Variants in NFYC observed in about 807,000 individuals in gnomAD.
NFYC encodes nuclear transcription factor Y subunit gamma.
In NFYC, 25 loss-of-function variants were observed where a neutral mutation model predicts 53.1. That is an observed-to-expected ratio of 0.47 (90% CI 0.34 to 0.66). The LOEUF (loss-of-function observed/expected upper bound fraction) is 0.66. Among genes scored for constraint, NFYC ranks in the 30% least tolerant of loss-of-function variants. The pLI, the probability that NFYC is intolerant of heterozygous loss-of-function variation, is 0.01. For synonymous variants in NFYC, 145 were observed against 152.6 expected (o/e 0.95, Z 0.37); for missense variants, 260 against 422.7 (o/e 0.62, Z 3.38).
In NFYC at chr1:40,759,233, T is replaced by TAA. The variant is rs11429236; in HGVS notation, c.561+954_561+955dup. On this transcript the variant is annotated intron_variant, in intron 6 of 9. Transcript: ENST00000447388. Reference sequence around the variant, plus strand: ...AGCACAGCAAGACCTCTTCTTTAATTAAAAAAAAAAAAAAAAGGCAGGGGC... The same window carrying TAA: ...AGCACAGCAAGACCTCTTCTTTAATTAAAAAAAAAAAAAAAAAAGGCAGGGGC... Among the ~76,000 whole-genome samples the TAA allele has an allele frequency of 2.2e-3, 309 of 138,920 alleles. 2 individuals carry two copies. The highest frequency in any genetic ancestry group is 0.022 in the South Asian group (94 of 4,298). The allele number at this position is 138,920 out of a possible 152,430, so 91.1% of individuals were successfully genotyped here.
chr1:40,692,998 G>A (rs185503896), intron 1 of NFYC, among the ~76,000 whole-genome samples: 2 of 152,302 alleles, frequency 1.3e-5, no homozygotes, highest in East Asian at 3.9e-4. Context: ...GCAAATATTA[G>A]GTAGTTGGTA....
intron 1 of NFYC, among the ~76,000 whole-genome samples, chr1:40,711,188 G>A (rs1303592419): frequency 6.6e-6 from 1 of 152,184 alleles, no homozygotes; most frequent in Non-Finnish European, 1.5e-5. Context: ...GGGATAGATA[G>A]TATTTTAGGA....
intron 1 of NFYC, among the ~76,000 whole-genome samples, chr1:40,732,138 A>G (rs899557809): frequency 2.6e-5 from 4 of 152,202 alleles, no homozygotes; most frequent in African/African-American, 9.6e-5. Flanking sequence ...TTTAAGTATT[A>G]TCTCCCAACA....
At chr1:40,715,689 C>G (rs1644109213) in intron 1 of NFYC, among the ~76,000 whole-genome samples, 2 of 147,146 alleles carry the variant, frequency 1.4e-5, no homozygotes, top group Non-Finnish European at 2.9e-5. Context: ...AATAATTGAC[C>G]AAAAGTTTTT....
intron 1 of NFYC, among the ~76,000 whole-genome samples, chr1:40,737,490 G>A (rs1168989766): frequency 4.6e-5 from 7 of 151,672 alleles, no homozygotes; most frequent in African/African-American, 1.2e-4. Flanking sequence ...CGCCACGCCC[G>A]GCTAATTTTT....
At position 40,770,890 on chromosome 1, in the gene NFYC, T is replaced by C. The variant is rs373291155; in HGVS notation, c.*62T>C. On this transcript the variant is annotated 3_prime_UTR_variant, in exon 10 of 10. Transcript: ENST00000447388. The surrounding 1 kb of genome is among the most constrained non-coding windows in gnomAD (Gnocchi z 5.3). ...ATTTTTGCCATACAGCCCCAGGCAA[T>C]GGGCACAGCCTTCCTCCCCAGAGGA... is the stretch of plus-strand genomic sequence containing the variant. The C allele has an allele frequency of 2.6e-5, 40 of 1,567,434 alleles. No individual in the cohort carries two copies. The East Asian group carries it at 6.3e-4, about 25-fold the overall frequency.
At chr1:40,758,012 A>G (rs955649370) in intron 5 of NFYC, 109 bp from the exon 6 acceptor site, 6 of 1,204,838 alleles carry the variant, frequency 5.0e-6, no homozygotes, top group African/African-American at 3.0e-5. Context: ...AGAGCTCAGC[A>G]TTCAGCAGGC....
At chr1:40,697,805 C>T (rs2148407158) in intron 1 of NFYC, among the ~76,000 whole-genome samples, 1 of 152,316 alleles carries the variant, frequency 6.6e-6, no homozygotes, top group South Asian at 2.1e-4. Flanking sequence ...TGCTAGGTTG[C>T]AGGAATTGTT....
chr1:40,734,009 G>A (rs1337103818), intron 1 of NFYC, among the ~76,000 whole-genome samples: 1 of 152,150 alleles, frequency 6.6e-6, no homozygotes, highest in Non-Finnish European at 1.5e-5. Flanking sequence ...GCCTCCCAAA[G>A]TGTTGGGATT....
chr1:40,723,836 G>GT (rs922510932), intron 1 of NFYC: 2 of 151,768 alleles, frequency 1.3e-5, no homozygotes, highest in Non-Finnish European at 2.9e-5. Flanking sequence ...CACCTGGCTA[G>GT]TTTTTTATTT....
chr1:40,716,202 A>G (rs897898286), intron 1 of NFYC, among the ~76,000 whole-genome samples: 2 of 152,208 alleles, frequency 1.3e-5, no homozygotes, highest in African/African-American at 4.8e-5. Flanking sequence ...GAGACTGATG[A>G]TGTTTATCAA....
At chr1:40,692,533 A>G (rs1642884349) in intron 1 of NFYC, among the ~76,000 whole-genome samples, 1 of 152,096 alleles carries the variant, frequency 6.6e-6, no homozygotes, top group South Asian at 2.1e-4. Context: ...AATGTGACCC[A>G]GTTTGGAAGT....
chr1:40,716,816 G>A (rs1351861926), intron 1 of NFYC, among the ~76,000 whole-genome samples: 6 of 152,280 alleles, frequency 3.9e-5, no homozygotes, highest in African/African-American at 1.2e-4. Context: ...AAGGTCAGGA[G>A]ATGGACACTG....
chr1:40,726,195 G>A (rs928502135), intron 1 of NFYC, among the ~76,000 whole-genome samples: 18 of 151,922 alleles, frequency 1.2e-4, no homozygotes, highest in Non-Finnish European at 1.5e-5. Context: ...TCAGCTCACT[G>A]CAACCTCTGC....
intron 1 of NFYC, 60 bp downstream of exon 1, chr1:40,691,927 G>GT: frequency 3.0e-6 from 1 of 337,920 alleles, no homozygotes; most frequent in South Asian, 2.1e-5. Flanking sequence ...GCGGGGGGAG[G>GT]GGCAGCGCTT....
intron 5 of NFYC, among the ~76,000 whole-genome samples, chr1:40,753,864 A>G (rs1040725675): frequency 2.0e-5 from 3 of 152,186 alleles, no homozygotes; most frequent in Non-Finnish European, 4.4e-5. Context: ...CTGTTTTGCA[A>G]GCAATCACAA....
intron 4 of NFYC, among the ~76,000 whole-genome samples, chr1:40,752,621 C>T (rs1372713884): frequency 6.6e-6 from 1 of 151,768 alleles, no homozygotes; most frequent in East Asian, 1.9e-4. Context: ...AATGATAAAC[C>T]CATGGTTTAA....
chr1:40,726,887 A>G lies in NFYC; in HGVS notation c.-8-11949A>G, dbSNP rs1259361009. On this transcript the variant is annotated intron_variant, in intron 1 of 9. Transcript: ENST00000447388. ...AAATCCTGCCACTATTTTATGAACT[A>G]AGTTTATATAATATTCTAATGTTCA... Among the ~76,000 whole-genome samples the G allele has an allele frequency of 2.6e-5, 4 of 152,208 alleles. No homozygotes were observed. The East Asian group carries it at 5.8e-4, about 22-fold the overall frequency.
At chr1:40,710,228 C>A (rs1450087234) in intron 1 of NFYC, among the ~76,000 whole-genome samples, 3 of 152,186 alleles carry the variant, frequency 2.0e-5, no homozygotes, top group African/African-American at 7.2e-5. Context: ...TTAGAAATAT[C>A]TTCACTTATA....
Sources: gnomAD v4.1 joint callset for allele counts (sites outside exome capture counted in the v4.1 genomes callset) on GRCh38, gnomAD v4.1.1 for gene constraint, Gnocchi (gnomAD v3.1) non-coding constraint, MANE v1.5 for transcripts, NCBI Gene and HGNC (gene_info 2026-07-23, HGNC 2026-07-21) for gene names.